Variants in DTHD1 observed in about 807,000 individuals in gnomAD.
DTHD1 encodes the protein death domain containing 1.
In DTHD1, 59 loss-of-function variants were observed where a neutral mutation model predicts 74.8. That is an observed-to-expected ratio of 0.79 (90% CI 0.64 to 0.98). The LOEUF is 0.98. Ranked by LOEUF, DTHD1 falls within the 50% of genes least tolerant of loss-of-function variation. The pLI is 0.00. For synonymous variants in DTHD1, 365 were observed against 371.1 expected (o/e 0.98, Z 0.19); for missense variants, 1,051 against 1,065.4 (o/e 0.99, Z 0.19).
chr4:36,327,631 G>A (rs1501123), intron 8 of DTHD1, among the ~76,000 whole-genome samples: 102,088 of 152,158 alleles, frequency 0.67, 34,568 homozygotes, highest in African/African-American at 0.72. Flanking sequence ...TGTGCATTAC[G>A]TCATTTAATC....
intron 5 of DTHD1, among the ~76,000 whole-genome samples, chr4:36,297,326 C>T (rs559671568): frequency 6.6e-6 from 1 of 152,186 alleles, no homozygotes; most frequent in South Asian, 2.1e-4. Flanking sequence ...ATTGATTATT[C>T]CATCATCTAT....
intron 7 of DTHD1, among the ~76,000 whole-genome samples, chr4:36,312,113 G>T (rs1757444761): frequency 6.6e-6 from 1 of 152,072 alleles, no homozygotes; most frequent in Non-Finnish European, 1.5e-5. Context: ...CTAGGTTAGA[G>T]TTGTCAGTTT....
chr4:36,329,150 C>T (rs1035011590), intron 8 of DTHD1, among the ~76,000 whole-genome samples: 4 of 152,154 alleles, frequency 2.6e-5, no homozygotes, highest in Non-Finnish European at 5.9e-5. Context: ...TATGTCATAC[C>T]GCCTGTCATT....
At chr4:36,337,467 C>T (rs540866566) in intron 8 of DTHD1, among the ~76,000 whole-genome samples, 66 of 152,300 alleles carry the variant, frequency 4.3e-4, no homozygotes, top group Non-Finnish European at 5.6e-4. Flanking sequence ...AAAGAAAAGT[C>T]TCAATATGTA....
At chr4:36,338,255 A>T (rs1007489537) in intron 8 of DTHD1, among the ~76,000 whole-genome samples, 1 of 152,188 alleles carries the variant, frequency 6.6e-6, no homozygotes, top group African/African-American at 2.4e-5. Flanking sequence ...TCTTAGCATC[A>T]TGCTCTGAGG....
At position 36,281,726 on chromosome 4, in the gene DTHD1, G is replaced by A; in HGVS notation, c.-33G>A. ...TTTGCAAAACCTTTAGGCTTTGCTG[G>A]CAGGAGAGAAAATACCACTTTTGGA... On this transcript the variant is annotated 5_prime_UTR_variant, in exon 1 of 10. Coordinates refer to ENST00000639862, the MANE Select transcript of DTHD1 (RefSeq NM_001170700.3). 1 of 1,234,868 alleles carries A rather than the reference G, an allele frequency of 8.1e-7. No individual in the cohort carries two copies. The highest frequency in any genetic ancestry group is 4.1e-5 in the South Asian group (1 of 24,454). 76.5% of individuals were successfully genotyped at this position (1,234,868 alleles called of 1,614,324 possible).
intron 8 of DTHD1, among the ~76,000 whole-genome samples, chr4:36,337,414 C>T (rs1759074508): frequency 6.6e-6 from 1 of 152,156 alleles, no homozygotes; most frequent in South Asian, 2.1e-4. Flanking sequence ...TGCGATGAGA[C>T]ATCTGTGAAC....
intron 8 of DTHD1, chr4:36,333,556 G>C (rs1013058764): frequency 6.6e-6 from 1 of 152,208 alleles, no homozygotes; most frequent in Non-Finnish European, 1.5e-5. Context: ...AGGGAAGCAG[G>C]AGAGACCAAG....
chr4:36,343,426 A>T, intron 9 of DTHD1, 76 bp from the exon 10 acceptor site: 1 of 1,350,108 alleles, frequency 7.4e-7, no homozygotes, highest in Non-Finnish European at 9.9e-7. Context: ...CTTCCTATAA[A>T]CAGGTGTGGA....
intron 7 of DTHD1, among the ~76,000 whole-genome samples, chr4:36,313,417 GAA>G (rs34007292): frequency 0.025 from 3,633 of 144,310 alleles, 101 homozygotes; most frequent in African/African-American, 0.075. Flanking sequence ...AGTGAGGGAG[GAA>G]AAAAAAAAAA....
chr4:36,302,378 G>A (rs377117902), intron 5 of DTHD1, among the ~76,000 whole-genome samples: 116 of 152,176 alleles, frequency 7.6e-4, no homozygotes, highest in African/African-American at 2.6e-3. Flanking sequence ...AAGCTCCAAG[G>A]GTAGATGGAC....
chr4:36,296,468 AAG>A (rs904741896), intron 5 of DTHD1, among the ~76,000 whole-genome samples: 5 of 152,278 alleles, frequency 3.3e-5, no homozygotes, highest in Non-Finnish European at 7.4e-5. Context: ...ATTTATATGA[AAG>A]AGAGATAATG....
chr4:36,319,189 C>T (rs1199727499), intron 8 of DTHD1, among the ~76,000 whole-genome samples: 1 of 152,142 alleles, frequency 6.6e-6, no homozygotes, highest in Non-Finnish European at 1.5e-5. Flanking sequence ...CTTTAAAAAG[C>T]AAACTCCATG....
In DTHD1 at chr4:36,316,554, T is replaced by C. The variant is rs976508019; in HGVS notation, c.2340+68T>C. ...TTTATAATTCTGTAACACAATCAGTTTTTCAGTCATAGAGACACATACAGT... is the reference window on the plus strand; with the variant it reads ...TTTATAATTCTGTAACACAATCAGTCTTTCAGTCATAGAGACACATACAGT... On this transcript the variant is annotated intron_variant, in intron 8 of 9. Coordinates refer to ENST00000639862, the MANE Select transcript of DTHD1 (RefSeq NM_001170700.3). 16 of 1,439,862 alleles carry C rather than the reference T, an allele frequency of 1.1e-5. No individual in the cohort carries two copies. In the Admixed American group the frequency reaches 2.3e-4, roughly 21 times the overall value. 89.2% of individuals were successfully genotyped at this position (1,439,862 alleles called of 1,614,324 possible).
chr4:36,314,083 T>C (rs1055182984), intron 7 of DTHD1, among the ~76,000 whole-genome samples: 2 of 147,890 alleles, frequency 1.4e-5, no homozygotes, highest in African/African-American at 5.3e-5. Flanking sequence ...TTTTTTTTTT[T>C]CTTTTTTTCC....
intron 8 of DTHD1, among the ~76,000 whole-genome samples, chr4:36,331,246 G>A (rs1182413494): frequency 6.6e-6 from 1 of 151,950 alleles, no homozygotes; most frequent in Non-Finnish European, 1.5e-5. Context: ...TTGCATAATA[G>A]TAAAGGGTAT....
At chr4:36,312,840 C>T (rs914150844) in intron 7 of DTHD1, among the ~76,000 whole-genome samples, 22 of 152,134 alleles carry the variant, frequency 1.4e-4, no homozygotes, top group African/African-American at 5.3e-4. Flanking sequence ...TTTGGGGAAA[C>T]ATGAAGGGTT....
intron 7 of DTHD1, among the ~76,000 whole-genome samples, chr4:36,313,989 G>C (rs1236053725): frequency 6.8e-6 from 1 of 148,146 alleles, no homozygotes; most frequent in Non-Finnish European, 1.5e-5. Context: ...ACCCCAAATA[G>C]TCTACTTTTT....
chr4:36,282,293 G>A (rs1452979449), intron 1 of DTHD1, among the ~76,000 whole-genome samples: 5 of 152,194 alleles, frequency 3.3e-5, no homozygotes, highest in Admixed American at 3.3e-4. Context: ...GAATTGAGAA[G>A]TTTGCTAGAA....
Sources: gnomAD v4.1 joint callset for allele counts (sites outside exome capture counted in the v4.1 genomes callset) on GRCh38, gnomAD v4.1.1 for gene constraint, MANE v1.5 for transcripts, NCBI Gene and HGNC (gene_info 2026-07-23, HGNC 2026-07-21) for gene names.